Variants in RAD51B observed in about 807,000 individuals in gnomAD.
RAD51B encodes DNA repair protein RAD51 homolog 2.
RAD51B carries 38 observed loss-of-function variants against 42.2 expected under a neutral mutation model. The ratio of observed to expected loss-of-function variants is 0.90; its 90% CI spans 0.70 to 1.18. The LOEUF is 1.18. Ranked by LOEUF, RAD51B falls within the 50% of genes most tolerant of loss-of-function variation. The pLI is 0.00. For synonymous variants in RAD51B, 154 were observed against 145.2 expected, an observed-to-expected ratio of 1.06 and a Z score of -0.43; for missense variants, 373 against 400.7, an observed-to-expected ratio of 0.93 and a Z score of 0.59.
chr14:68,437,462 C>T (rs2085173916), intron 9 of RAD51B, among the ~76,000 whole-genome samples: 1 of 152,134 alleles, frequency 6.6e-6, no homozygotes, highest in Non-Finnish European at 1.5e-5. Context: ...CTGAAGTTTT[C>T]CTTTTTCATT....
intron 10 of RAD51B, among the ~76,000 whole-genome samples, chr14:68,515,427 CTTT>C: frequency 7.1e-6 from 1 of 139,960 alleles, no homozygotes; most frequent in Middle Eastern, 3.6e-3. Context: ...TCTTTTCTTC[CTTT>C]CTTCTTCTTC....
rs562245249 is a variant in RAD51B at position 67,855,037 on chromosome 14, A to G, written c.316-9966A>G. Among the ~76,000 whole-genome samples the G allele has an allele frequency of 6.6e-5, 10 of 152,284 alleles. No individual in the cohort carries two copies. The South Asian group carries it at 2.1e-3, about 32-fold the overall frequency. ...ACTCAGTTCAACACAGAGAGATGTA[A>G]TATCTGCATAGTTATTATGCCTGGC... On this transcript the variant is annotated intron_variant, in intron 4 of 10. Transcript: ENST00000471583.
chr14:68,491,862 A>G (rs1356399318), intron 10 of RAD51B, among the ~76,000 whole-genome samples: 3 of 152,248 alleles, frequency 2.0e-5, no homozygotes, highest in Non-Finnish European at 4.4e-5. Context: ...GACATAAATC[A>G]GATCATGCCA....
chr14:68,551,856 CGTAG>C (rs1888590877), intron 10 of RAD51B, among the ~76,000 whole-genome samples: 1 of 152,170 alleles, frequency 6.6e-6, no homozygotes, highest in African/African-American at 2.4e-5. Context: ...TTGCCAAGAG[CGTAG>C]GTAATAAATG....
At chr14:68,389,776 A>G (rs1431461028) in intron 8 of RAD51B, among the ~76,000 whole-genome samples, 1 of 152,214 alleles carries the variant, frequency 6.6e-6, no homozygotes, top group Non-Finnish European at 1.5e-5. Context: ...TCCGATGTAG[A>G]TTTGATCCGT....
At chr14:67,912,858 A>G (rs1023904276) in intron 7 of RAD51B, among the ~76,000 whole-genome samples, 2 of 152,062 alleles carry the variant, frequency 1.3e-5, no homozygotes, top group African/African-American at 2.4e-5. Flanking sequence ...GGTGCCTGCC[A>G]CCATGCCCGG....
chr14:68,174,715 C>T (rs190666184), intron 7 of RAD51B, among the ~76,000 whole-genome samples: 2 of 152,332 alleles, frequency 1.3e-5, no homozygotes, highest in East Asian at 3.9e-4. Flanking sequence ...AACTCCCTTA[C>T]TCACTTCAAG....
intron 3 of RAD51B, among the ~76,000 whole-genome samples, chr14:67,832,056 CAAT>C (rs1357836892): frequency 1.3e-5 from 2 of 151,944 alleles, no homozygotes; most frequent in East Asian, 1.9e-4. Flanking sequence ...AAATTGGAAA[CAAT>C]AATAATAGGA....
At chr14:68,082,693 T>C (rs1936476099) in intron 7 of RAD51B, among the ~76,000 whole-genome samples, 1 of 152,188 alleles carries the variant, frequency 6.6e-6, no homozygotes, top group South Asian at 2.1e-4. Context: ...GTATCTATTG[T>C]ATAGCTGTAT....
chr14:68,434,693 G>T (rs573082656), intron 9 of RAD51B, among the ~76,000 whole-genome samples: 3 of 152,004 alleles, frequency 2.0e-5, no homozygotes, highest in Admixed American at 2.0e-4. Context: ...TGCACTTCCC[G>T]GGTGAGGCGA....
chr14:68,175,215 G>C (rs1175204329), intron 7 of RAD51B, among the ~76,000 whole-genome samples: 1 of 152,080 alleles, frequency 6.6e-6, no homozygotes, highest in African/African-American at 2.4e-5. Context: ...TTGCTGGCAT[G>C]AAGAAGGAAA....
chr14:68,347,671 C>G (rs1482038047), intron 8 of RAD51B, among the ~76,000 whole-genome samples: 1 of 152,012 alleles, frequency 6.6e-6, no homozygotes, highest in Non-Finnish European at 1.5e-5. Flanking sequence ...GACCCTGTCT[C>G]AAAATAATAA....
At chr14:68,339,924 G>T (rs1468232757) in intron 8 of RAD51B, among the ~76,000 whole-genome samples, 5 of 152,200 alleles carry the variant, frequency 3.3e-5, no homozygotes, top group Non-Finnish European at 7.3e-5. Flanking sequence ...AATTGAGGTA[G>T]TTTAATCATA....
intron 11 of RAD51B, among the ~76,000 whole-genome samples, chr14:68,663,652 T>C (rs1193605148): frequency 6.6e-6 from 1 of 152,216 alleles, no homozygotes; most frequent in Non-Finnish European, 1.5e-5. Flanking sequence ...CGCTGACCAA[T>C]ACACTCATAT....
chr14:67,917,912 G>A (rs558951839), intron 7 of RAD51B, among the ~76,000 whole-genome samples: 110 of 152,248 alleles, frequency 7.2e-4, no homozygotes, highest in Non-Finnish European at 1.1e-3. Context: ...ATTAAATATG[G>A]TGAATGTAAA....
At chr14:68,391,136 GTCTTTCTT>G (rs36073427) in intron 8 of RAD51B, among the ~76,000 whole-genome samples, 4,604 of 141,632 alleles carry the variant, frequency 0.033, 90 homozygotes, top group East Asian at 0.056. Flanking sequence ...TATGAGACTT[GTCTTTCTT>G]TCTTTCTTTC....
At chr14:68,356,273 A>G (rs554339645) in intron 8 of RAD51B, among the ~76,000 whole-genome samples, 1 of 151,964 alleles carries the variant, frequency 6.6e-6, no homozygotes, top group South Asian at 2.1e-4. Context: ...TCTACTAAAT[A>G]AATACAAAAA....
chr14:68,539,320 A>T (rs867496337), intron 10 of RAD51B, among the ~76,000 whole-genome samples: 2 of 152,022 alleles, frequency 1.3e-5, no homozygotes, highest in Admixed American at 6.6e-5. Context: ...GCCCCACCTC[A>T]TGGCCCCATG....
At chr14:68,107,209 T>C (rs1408799151) in intron 7 of RAD51B, among the ~76,000 whole-genome samples, 1 of 151,752 alleles carries the variant, frequency 6.6e-6, no homozygotes, top group Non-Finnish European at 1.5e-5. Flanking sequence ...ACCTTAGTGC[T>C]CCATGAGAGC....
Sources: gnomAD v4.1 joint callset for allele counts (sites outside exome capture counted in the v4.1 genomes callset) on GRCh38, gnomAD v4.1.1 for gene constraint, MANE v1.5 for transcripts, NCBI Gene and HGNC (gene_info 2026-07-23, HGNC 2026-07-21) for gene names.